Variants in PLSCR2 observed in about 807,000 individuals in gnomAD.
PLSCR2 encodes the protein phospholipid scramblase 2.
PLSCR2 carries 18 observed loss-of-function variants against 25.3 expected under a neutral mutation model. That is an observed-to-expected ratio of 0.71 (90% CI 0.49 to 1.06). The LOEUF is 1.06. Ranked by LOEUF, PLSCR2 falls within the 50% of genes least tolerant of loss-of-function variation. The pLI, the probability that PLSCR2 is intolerant of heterozygous loss-of-function variation, is 0.00. For missense variants in PLSCR2, 243 were observed against 269.5 expected (o/e 0.90, Z 0.69); for synonymous variants, 88 against 87.3 (o/e 1.01, Z -0.04).
At chr3:146,485,835 A>G (rs1482089273) in intron 1 of PLSCR2, among the ~76,000 whole-genome samples, 2 of 152,078 alleles carry the variant, frequency 1.3e-5, no homozygotes, top group Admixed American at 6.6e-5. Context: ...GCGGAAGGCA[A>G]GGAGGAGCAA....
intron 2 of PLSCR2, among the ~76,000 whole-genome samples, chr3:146,405,346 A>G (rs1283599831): frequency 6.6e-6 from 1 of 152,160 alleles, no homozygotes; most frequent in African/African-American, 2.4e-5. Flanking sequence ...AGCTTGCCAC[A>G]GTATCTTATC....
chr3:146,454,230 A>G (rs1560019195), intron 4 of PLSCR2, 67 bp from the exon 5 acceptor site: 3 of 1,125,252 alleles, frequency 2.7e-6, no homozygotes, highest in Non-Finnish European at 3.7e-6. Context: ...AATAGCTCTA[A>G]TTTACTGAGC....
intron 5 of PLSCR2, among the ~76,000 whole-genome samples, chr3:146,451,261 C>T (rs988401537): frequency 1.3e-5 from 2 of 151,740 alleles, no homozygotes; most frequent in African/African-American, 4.8e-5. Flanking sequence ...ATTACAGGCG[C>T]CTGCCACCAC....
chr3:146,441,620 A>G, downstream of PLSCR2: 1 of 463,122 alleles, frequency 2.2e-6, no homozygotes, highest in Non-Finnish European at 3.9e-6. Flanking sequence ...AAGTGAAATT[A>G]TATACTCAGA....
At position 146,453,992 on chromosome 3, in the gene PLSCR2, C is replaced by A; in HGVS notation, c.483+10G>T. On this transcript the variant is annotated intron_variant, in intron 5 of 6. Coordinates refer to ENST00000610787, the Ensembl canonical transcript of PLSCR2. ...AAAGCAAATCCTATAAACATTATGA[C>A]ATCTCTTACCTCAAAATCAACACCC... 2 of 1,556,486 alleles carry A rather than the reference C, an allele frequency of 1.3e-6. No individual in the cohort carries two copies. The highest frequency in any genetic ancestry group is 1.7e-6 in the Non-Finnish European group (2 of 1,159,686).
chr3:146,415,317 T>A (rs1237620558), intron 2 of PLSCR2: 1 of 152,374 alleles, frequency 6.6e-6, no homozygotes, highest in East Asian at 1.9e-4. Context: ...TTGTCTTGTA[T>A]ATCATAGTAG....
chr3:146,492,436 C>G (rs2043585532), intron 1 of PLSCR2, among the ~76,000 whole-genome samples: 1 of 152,018 alleles, frequency 6.6e-6, no homozygotes, highest in South Asian at 2.1e-4. Context: ...AAAAAAAAAT[C>G]ATACTCATCA....
chr3:146,494,143 T>A (rs923021713), intron 1 of PLSCR2, among the ~76,000 whole-genome samples: 2 of 152,100 alleles, frequency 1.3e-5, no homozygotes, highest in Admixed American at 1.3e-4. Context: ...AGTTCTAAAA[T>A]TTTGGTTTTG....
At chr3:146,478,735 CAT>C (rs2043023079) in intron 1 of PLSCR2, among the ~76,000 whole-genome samples, 1 of 152,078 alleles carries the variant, frequency 6.6e-6, no homozygotes, top group East Asian at 1.9e-4. Context: ...ATTCAGGAAA[CAT>C]AGAGAACACC....
intron 8 of PLSCR2, among the ~76,000 whole-genome samples, chr3:146,436,536 AT>A (rs1162260219): frequency 6.6e-6 from 1 of 152,170 alleles, no homozygotes; most frequent in Non-Finnish European, 1.5e-5. Context: ...CTTTGAAGCA[AT>A]TGTGAATGGG....
intron 2 of PLSCR2, among the ~76,000 whole-genome samples, chr3:146,412,909 C>T (rs549824942): frequency 1.3e-5 from 2 of 152,170 alleles, no homozygotes; most frequent in East Asian, 3.9e-4. Context: ...CAGGTCAGAG[C>T]AGATGACCAG....
rs537962675 is a variant in PLSCR2, at chr3:146,459,281, T to G, written c.57+567A>C. 3.3e-5 allele frequency among the ~76,000 whole-genome samples: 5 copies of G among 152,276 alleles called. No homozygotes were observed. The East Asian group carries it at 9.7e-4, about 29-fold the overall frequency. On this transcript the variant is annotated intron_variant, in intron 2 of 6. Coordinates refer to ENST00000610787, the Ensembl canonical transcript of PLSCR2. ...TCAAATCCCACACAAAAATATTAAGTCATTTTTGGTACTGCTTACTAAAAC... is the reference window on the plus strand; with the variant it reads ...TCAAATCCCACACAAAAATATTAAGGCATTTTTGGTACTGCTTACTAAAAC...
intron 2 of PLSCR2, among the ~76,000 whole-genome samples, chr3:146,404,821 A>AAGG (rs71158238): frequency 0.013 from 1,637 of 124,648 alleles, 36 homozygotes; most frequent in African/African-American, 0.033. Flanking sequence ...AAAAAAAAAA[A>AAGG]GGGGGGGGGT....
intron 1 of PLSCR2, among the ~76,000 whole-genome samples, chr3:146,472,699 T>C (rs1012292057): frequency 1.3e-5 from 2 of 152,242 alleles, no homozygotes; most frequent in African/African-American, 4.8e-5. Flanking sequence ...CCTCCTAATA[T>C]GTCACATTGG....
At chr3:146,424,670 A>C (rs1445512769) in intron 2 of PLSCR2, among the ~76,000 whole-genome samples, 1 of 152,080 alleles carries the variant, frequency 6.6e-6, no homozygotes, top group Non-Finnish European at 1.5e-5. Flanking sequence ...TCCAGACATA[A>C]ACAATTCATA....
At chr3:146,449,467 T>G in intron 5 of PLSCR2, 100 bp from the exon 6 acceptor site, 1 of 736,130 alleles carries the variant, frequency 1.4e-6, no homozygotes, top group Non-Finnish European at 2.2e-6. Flanking sequence ...TATAGTACAT[T>G]TATGCACCAT....
chr3:146,467,223 A>G (rs546962241), intron 1 of PLSCR2, among the ~76,000 whole-genome samples: 2 of 152,312 alleles, frequency 1.3e-5, no homozygotes, highest in East Asian at 3.9e-4. Flanking sequence ...TTCAAGGAAT[A>G]TTGATCAACT....
intron 1 of PLSCR2, among the ~76,000 whole-genome samples, chr3:146,493,591 G>T (rs960050375): frequency 1.3e-5 from 2 of 151,908 alleles, no homozygotes. Flanking sequence ...ATTCCTTCAT[G>T]TTAAAAACAC....
chr3:146,471,400 T>C (rs1049260386), intron 1 of PLSCR2, among the ~76,000 whole-genome samples: 2 of 152,186 alleles, frequency 1.3e-5, no homozygotes, highest in Non-Finnish European at 2.9e-5. Flanking sequence ...GTTAATGAGA[T>C]TGAGGACTTT....
Sources: allele counts gnomAD v4.1 joint callset (sites outside exome capture counted in the v4.1 genomes callset), GRCh38; gene constraint gnomAD v4.1.1; transcripts MANE v1.5; gene names NCBI Gene and HGNC (gene_info 2026-07-23, HGNC 2026-07-21).